The following PLXNA4 variants were observed in gnomAD, a reference collection of about 807,000 sequenced individuals.
PLXNA4 encodes plexin-A4.
In PLXNA4, 44 loss-of-function variants were observed where a neutral mutation model predicts 191.8. The ratio of observed to expected loss-of-function variants is 0.23; its 90% CI spans 0.18 to 0.29. The LOEUF is 0.29. PLXNA4 is among the 10% of genes least tolerant of loss of function. The pLI, the probability that PLXNA4 is intolerant of heterozygous loss-of-function variation, is 1.00. For synonymous variants in PLXNA4, 1,082 were observed against 1,009.5 expected (o/e 1.07, Z -1.36); for missense variants, 1,800 against 2,488.8 (o/e 0.72, Z 5.89).
intron 1 of PLXNA4, among the ~76,000 whole-genome samples, chr7:132,567,401 A>T (rs1032197128): frequency 2.7e-5 from 4 of 150,114 alleles, no homozygotes; most frequent in Non-Finnish European, 4.4e-5. Context: ...CACTGCACCT[A>T]CCTGTCCCCA....
chr7:132,637,780 C>A (rs1019558225), intron 2 of PLXNA4, among the ~76,000 whole-genome samples: 6 of 152,208 alleles, frequency 3.9e-5, no homozygotes, highest in Non-Finnish European at 8.8e-5. Context: ...CCTCATCTCC[C>A]ATGCCTTTGC....
chr7:132,308,066 C>A (rs910497504), intron 3 of PLXNA4, among the ~76,000 whole-genome samples: 1 of 152,228 alleles, frequency 6.6e-6, no homozygotes. Flanking sequence ...ACCTTCCCCA[C>A]CTGCTTGAGT....
At chr7:132,372,877 G>A (rs931989328) in intron 3 of PLXNA4, among the ~76,000 whole-genome samples, 5 of 152,164 alleles carry the variant, frequency 3.3e-5, no homozygotes, top group African/African-American at 7.2e-5. Context: ...ATCTTTGTCC[G>A]TGGGTTCAGC....
chr7:132,189,047 AGAGAGAGAGAGAGAGAGAG>A (rs1417203368), intron 14 of PLXNA4, among the ~76,000 whole-genome samples: 5 of 99,486 alleles, frequency 5.0e-5, no homozygotes, highest in Non-Finnish European at 5.9e-5. Context: ...AGAGAGAGAG[AGAGAGAGAGAGAGAGAGAG>A]AAGATTGTGC....
At chr7:132,418,206 A>C (rs1366139278) in intron 3 of PLXNA4, among the ~76,000 whole-genome samples, 2 of 152,096 alleles carry the variant, frequency 1.3e-5, no homozygotes, top group Non-Finnish European at 2.9e-5. Flanking sequence ...CCCCTTTTCC[A>C]GGCTCTAAAG....
In PLXNA4 at chr7:132,298,169, C is replaced by T; in HGVS notation, c.1425G>A (p.Val475=). The change falls in exon 4 of 32, where the codon GTG becomes GTA. Residue 475 remains valine, a synonymous_variant. Coordinates refer to ENST00000321063, the MANE Select transcript of PLXNA4 (RefSeq NM_020911.2). Reference sequence around the variant, plus strand: ...CCCGGAGGACTGGGCCGGGGTCCACCACCTGCACCGTCTCATACTGGAGGG... The same window carrying T: ...CCCGGAGGACTGGGCCGGGGTCCACTACCTGCACCGTCTCATACTGGAGGG... ...GNALQYETVQ[V]VDPGPVLRDM... is the part of the protein sequence containing the mutation. 6.2e-7 allele frequency: 1 copy of T among 1,614,206 alleles called. No homozygotes were observed. The highest frequency in any genetic ancestry group is 8.5e-7 in the Non-Finnish European group (1 of 1,180,036).
chr7:132,336,774 C>T (rs1280942525), intron 3 of PLXNA4, among the ~76,000 whole-genome samples: 1 of 152,266 alleles, frequency 6.6e-6, no homozygotes, highest in Non-Finnish European at 1.5e-5. Context: ...AGCAAAAACA[C>T]TTGAGCAACT....
chr7:132,294,268 A>G (rs1324365616), intron 4 of PLXNA4, among the ~76,000 whole-genome samples: 1 of 152,198 alleles, frequency 6.6e-6, no homozygotes, highest in African/African-American at 2.4e-5. Context: ...AAGATCCTGA[A>G]GCAGGAGCCT....
intron 4 of PLXNA4, among the ~76,000 whole-genome samples, chr7:132,242,331 C>A (rs1798909377): frequency 6.6e-6 from 1 of 152,016 alleles, no homozygotes; most frequent in South Asian, 2.1e-4. Flanking sequence ...CTGGCTGAAC[C>A]CTCTCTGTTA....
chr7:132,171,669 G>A (rs539008887), intron 21 of PLXNA4, among the ~76,000 whole-genome samples: 1 of 152,258 alleles, frequency 6.6e-6, no homozygotes. Flanking sequence ...ATGCCTCCTG[G>A]GAAGCAGGTC....
At chr7:132,398,584 G>T (rs557941066) in intron 3 of PLXNA4, among the ~76,000 whole-genome samples, 2 of 152,320 alleles carry the variant, frequency 1.3e-5, no homozygotes, top group Admixed American at 1.3e-4. Flanking sequence ...CAGTTTAAGA[G>T]CCTGGGCTCC....
At chr7:132,290,755 A>G (rs1330485192) in intron 4 of PLXNA4, among the ~76,000 whole-genome samples, 1 of 152,152 alleles carries the variant, frequency 6.6e-6, no homozygotes, top group African/African-American at 2.4e-5. Flanking sequence ...TGAAAGAGAC[A>G]GTTAAATCAT....
intron 3 of PLXNA4, among the ~76,000 whole-genome samples, chr7:132,400,826 A>G (rs1266749785): frequency 6.6e-6 from 1 of 152,264 alleles, no homozygotes; most frequent in Non-Finnish European, 1.5e-5. Flanking sequence ...ATAAGCCAGC[A>G]TTCCAATCAG....
chr7:132,538,250 A>G (rs1444747631), intron 1 of PLXNA4, among the ~76,000 whole-genome samples: 2 of 152,212 alleles, frequency 1.3e-5, no homozygotes, highest in Non-Finnish European at 2.9e-5. Context: ...GCAAGAGAGG[A>G]AAGGAGTCCT....
intron 2 of PLXNA4, among the ~76,000 whole-genome samples, chr7:132,601,587 G>A (rs1158504572): frequency 6.6e-6 from 1 of 152,166 alleles, no homozygotes; most frequent in Non-Finnish European, 1.5e-5. Context: ...GGTGACCTTG[G>A]GAATGGAAGT....
intron 2 of PLXNA4, among the ~76,000 whole-genome samples, chr7:132,644,263 G>C (rs928122588): frequency 6.6e-6 from 1 of 152,162 alleles, no homozygotes; most frequent in Non-Finnish European, 1.5e-5. Flanking sequence ...CTCATGGGAC[G>C]GTTGCAAGGT....
intron 7 of PLXNA4, among the ~76,000 whole-genome samples, chr7:132,226,557 CA>C (rs1798330378): frequency 6.6e-6 from 1 of 152,218 alleles, no homozygotes; most frequent in Non-Finnish European, 1.5e-5. Flanking sequence ...CCCAGACTCA[CA>C]AAATTGATTC....
chr7:132,648,301 A>G (rs1479417743), intron 1 of PLXNA4, among the ~76,000 whole-genome samples: 1 of 152,210 alleles, frequency 6.6e-6, no homozygotes, highest in Non-Finnish European at 1.5e-5. Context: ...TACTGAGACT[A>G]GTGACTTACA....
intron 3 of PLXNA4, among the ~76,000 whole-genome samples, chr7:132,389,900 TA>T (rs1246505939): frequency 4.6e-5 from 7 of 152,142 alleles, no homozygotes; most frequent in Non-Finnish European, 5.9e-5. Context: ...TGGTGATAAT[TA>T]AAAAGTCAGG....
Sources: gnomAD v4.1 joint callset for allele counts (sites outside exome capture counted in the v4.1 genomes callset) on GRCh38, gnomAD v4.1.1 for gene constraint, MANE v1.5 for transcripts, NCBI Gene and HGNC (gene_info 2026-07-23, HGNC 2026-07-21) for gene names.